The following SPMAP2 variants were observed in gnomAD, a reference collection of about 807,000 sequenced individuals.
SPMAP2 encodes sperm microtubule associated protein 2.
At chr19:362,748 A>G in the SPMAP2 span, among the ~76,000 whole-genome samples, 1,853 of 144,790 alleles carry the variant, frequency 0.013, 37 homozygotes, top group African/African-American at 0.046. Context: ...CCTGGGCAAC[A>G]GAGCAAGACT....
the SPMAP2 span, chr19:373,843 C>G: frequency 8.4e-7 from 1 of 1,187,582 alleles, no homozygotes; most frequent in African/African-American, 1.5e-5. Flanking sequence ...TGATCCTCCT[C>G]CCTGGAGAGA....
the SPMAP2 span, among the ~76,000 whole-genome samples, chr19:364,449 G>A: frequency 2.6e-5 from 4 of 151,970 alleles, no homozygotes; most frequent in Admixed American, 2.0e-4. Context: ...GGAGGCAGAG[G>A]CAGGAGGATC....
At chr19:372,521 T>C in the SPMAP2 span, 2 of 1,119,638 alleles carry the variant, frequency 1.8e-6, no homozygotes, top group Non-Finnish European at 2.7e-6. Context: ...ACACCAGCTG[T>C]CTAGGGCTAG....
the SPMAP2 span, among the ~76,000 whole-genome samples, chr19:374,795 G>A: frequency 6.6e-6 from 1 of 152,252 alleles, no homozygotes; most frequent in Non-Finnish European, 1.5e-5. Flanking sequence ...GCCCCAGAGG[G>A]GCAACCACCC....
the SPMAP2 span, chr19:373,650 G>C: frequency 2.1e-6 from 2 of 945,492 alleles, no homozygotes; most frequent in Non-Finnish European, 3.3e-6. Context: ...CTGGGAGAGG[G>C]GGTAGGCCAG....
At chr19:367,084 G>C in the SPMAP2 span, 1 of 1,613,004 alleles carries the variant, frequency 6.2e-7, no homozygotes, top group South Asian at 1.1e-5. Context: ...GAAGGAGGCG[G>C]TTATGGTCTG....
the SPMAP2 span, among the ~76,000 whole-genome samples, chr19:370,322 G>A: frequency 1.3e-5 from 2 of 151,950 alleles, no homozygotes; most frequent in Admixed American, 1.3e-4. Flanking sequence ...TCCACAAAAA[G>A]CTGTATACAG....
At chr19:366,072 G>A in the SPMAP2 span, among the ~76,000 whole-genome samples, 11 of 152,044 alleles carry the variant, frequency 7.2e-5, no homozygotes, top group East Asian at 1.2e-3. Context: ...CCCAGGAGGC[G>A]GAGCTTGCAG....
At chr19:370,833 C>T in the SPMAP2 span, among the ~76,000 whole-genome samples, 2 of 144,454 alleles carry the variant, frequency 1.4e-5, no homozygotes, top group Non-Finnish European at 3.1e-5. Flanking sequence ...CCGCAGGCTG[C>T]GGGGTTCAGA....
At chr19:372,635 T>C in the SPMAP2 span, 201 of 1,613,782 alleles carry the variant, frequency 1.2e-4, 1 homozygote, top group Middle Eastern at 1.6e-3. Flanking sequence ...CCCCACCTGT[T>C]GTTGTTGTAA....
At chr19:369,772 C>T in the SPMAP2 span, among the ~76,000 whole-genome samples, 2 of 152,100 alleles carry the variant, frequency 1.3e-5, no homozygotes, top group African/African-American at 2.4e-5. Flanking sequence ...CAATGTTTTG[C>T]GGGCAGGGGT....
At chr19:376,005 C>G in the SPMAP2 span, 1 of 1,387,144 alleles carries the variant, frequency 7.2e-7, no homozygotes, top group Non-Finnish European at 9.3e-7. Context: ...CGGCCTCACT[C>G]TCCCGGCACC....
the SPMAP2 span, among the ~76,000 whole-genome samples, chr19:363,458 G>T: frequency 6.7e-6 from 1 of 150,270 alleles, no homozygotes; most frequent in Non-Finnish European, 1.5e-5. Flanking sequence ...CTCCCAAAGG[G>T]CTGGCATTAC....
At chr19:374,925 G>A in the SPMAP2 span, among the ~76,000 whole-genome samples, 10 of 152,314 alleles carry the variant, frequency 6.6e-5, no homozygotes, top group South Asian at 1.9e-3. Flanking sequence ...GCAGCTGCTG[G>A]CTCCCACGTT....
chr19:369,492 G>A, the SPMAP2 span, among the ~76,000 whole-genome samples: 1,920 of 151,826 alleles, frequency 0.013, 29 homozygotes, highest in African/African-American at 0.044. Flanking sequence ...GAAGGGGATC[G>A]CCTCAGTTCA....
At chr19:370,076 G>A in the SPMAP2 span, among the ~76,000 whole-genome samples, 3 of 151,978 alleles carry the variant, frequency 2.0e-5, no homozygotes, top group South Asian at 2.1e-4. Context: ...CCCACTCCCG[G>A]CCCAGACAAT....
At chr19:367,082 C>T in the SPMAP2 span, 9 of 1,612,490 alleles carry the variant, frequency 5.6e-6, no homozygotes, top group East Asian at 2.2e-5. Flanking sequence ...GTGAAGGAGG[C>T]GGTTATGGTC....
the SPMAP2 span, chr19:371,220 G>T: frequency 6.8e-7 from 1 of 1,463,768 alleles, no homozygotes; most frequent in South Asian, 1.5e-5. Context: ...ACATGGGCAT[G>T]CTCCAGAAGT....
At chr19:366,094 C>T in the SPMAP2 span, among the ~76,000 whole-genome samples, 3 of 151,810 alleles carry the variant, frequency 2.0e-5, no homozygotes, top group Admixed American at 6.6e-5. Flanking sequence ...GAGCCGAGAT[C>T]GCGCCACTGC....
Sources: allele counts gnomAD v4.1 joint callset (sites outside exome capture counted in the v4.1 genomes callset), GRCh38; gene constraint gnomAD v4.1.1; transcripts MANE v1.5; gene names NCBI Gene and HGNC (gene_info 2026-07-23, HGNC 2026-07-21).